Variants in EEFSEC observed in about 807,000 individuals in gnomAD.
The protein encoded by EEFSEC is eukaryotic elongation factor, selenocysteine-tRNA specific.
Under a neutral mutation model 42.1 loss-of-function variants are expected in EEFSEC, and 43 were observed. The ratio of observed to expected loss-of-function variants is 1.02; its 90% CI spans 0.80 to 1.32. The LOEUF is 1.32. Ranked by LOEUF, EEFSEC falls within the 40% of genes most tolerant of loss-of-function variation. The pLI, the probability that EEFSEC is intolerant of heterozygous loss-of-function variation, is 0.00. For synonymous variants in EEFSEC, 354 were observed against 339.1 expected, an observed-to-expected ratio of 1.04 and a Z score of -0.48; for missense variants, 745 against 803.6, an observed-to-expected ratio of 0.93 and a Z score of 0.88.
intron 1 of EEFSEC, among the ~76,000 whole-genome samples, chr3:128,246,285 A>G (rs1011453351): frequency 2.0e-5 from 3 of 152,184 alleles, no homozygotes; most frequent in African/African-American, 4.8e-5. Flanking sequence ...CGATTATGAC[A>G]CAGAACCTTA....
chr3:128,211,485 T>A (rs1176043364), intron 1 of EEFSEC, among the ~76,000 whole-genome samples: 1 of 152,068 alleles, frequency 6.6e-6, no homozygotes, highest in Non-Finnish European at 1.5e-5. Context: ...ATACAACATG[T>A]AAAAATTTAG....
chr3:128,325,411 G>A (rs2067053579), intron 4 of EEFSEC, among the ~76,000 whole-genome samples: 1 of 152,218 alleles, frequency 6.6e-6, no homozygotes, highest in Non-Finnish European at 1.5e-5. Flanking sequence ...GGGGCCTTGG[G>A]CAGGCTACTG....
intron 6 of EEFSEC, among the ~76,000 whole-genome samples, chr3:128,371,422 G>T (rs147534145): frequency 1.3e-5 from 2 of 152,172 alleles, no homozygotes; most frequent in East Asian, 3.8e-4. Context: ...TTCTTACTAG[G>T]TACAGCCTCA....
At chr3:128,176,341 G>A (rs1048086016) in intron 1 of EEFSEC, among the ~76,000 whole-genome samples, 5 of 152,018 alleles carry the variant, frequency 3.3e-5, no homozygotes, top group African/African-American at 1.2e-4. Flanking sequence ...GCTTAACTGC[G>A]TTGATCGGCT....
intron 1 of EEFSEC, among the ~76,000 whole-genome samples, chr3:128,203,435 G>A (rs1291218215): frequency 6.6e-6 from 1 of 152,212 alleles, no homozygotes; most frequent in Non-Finnish European, 1.5e-5. Flanking sequence ...GGAAGGGGAT[G>A]GACACAAGTC....
chr3:128,251,725 A>G (rs561461056), intron 2 of EEFSEC, among the ~76,000 whole-genome samples: 19 of 152,300 alleles, frequency 1.2e-4, no homozygotes, highest in South Asian at 8.3e-4. Flanking sequence ...TTTGCTACAA[A>G]TAAGTCTTTG....
At chr3:128,190,166 C>T (rs556349544) in intron 1 of EEFSEC, among the ~76,000 whole-genome samples, 1 of 152,324 alleles carries the variant, frequency 6.6e-6, no homozygotes, top group Non-Finnish European at 1.5e-5. Flanking sequence ...CCCAGCCGCT[C>T]CTTCTACTTC....
In EEFSEC at chr3:128,292,055, C is replaced by T. The variant is rs566830761; in HGVS notation, c.786+27274C>T. 9.7e-4 allele frequency among the ~76,000 whole-genome samples: 147 copies of T among 151,978 alleles called. 1 individual carries two copies. Among genetic ancestry groups the T allele is most frequent in the Non-Finnish European group, 1.7e-3 (113 of 67,954 alleles). On this transcript the variant is annotated intron_variant, in intron 4 of 6. Transcript: ENST00000254730. ...ATTAAATTATTATATAGTTTTTCTC[C>T]TTTATTCTGTTAATTAAGTTACACT...
intron 4 of EEFSEC, among the ~76,000 whole-genome samples, chr3:128,304,077 G>GTTT (rs554576554): frequency 1.4e-5 from 2 of 139,402 alleles, no homozygotes; most frequent in African/African-American, 2.6e-5. Flanking sequence ...TTCATAATAG[G>GTTT]TTTTTTTTTT....
chr3:128,206,685 T>G (rs1221953919), intron 1 of EEFSEC, among the ~76,000 whole-genome samples: 1 of 152,196 alleles, frequency 6.6e-6, no homozygotes, highest in East Asian at 1.9e-4. Flanking sequence ...ACCTTTATGA[T>G]TTGCTTATTA....
At chr3:128,385,261 A>G (rs949646690) in intron 6 of EEFSEC, among the ~76,000 whole-genome samples, 1 of 152,202 alleles carries the variant, frequency 6.6e-6, no homozygotes, top group Non-Finnish European at 1.5e-5. Flanking sequence ...AGAGCTGGCC[A>G]CAGGGGCCAG....
chr3:128,345,501 C>T (rs1169182576), intron 5 of EEFSEC, among the ~76,000 whole-genome samples: 1 of 152,198 alleles, frequency 6.6e-6, no homozygotes, highest in Admixed American at 6.5e-5. Context: ...CTAAAAATTC[C>T]TGGGCACATC....
chr3:128,289,032 T>C (rs1341541114), intron 4 of EEFSEC, among the ~76,000 whole-genome samples: 1 of 152,236 alleles, frequency 6.6e-6, no homozygotes, highest in Non-Finnish European at 1.5e-5. Context: ...AGTCTGGCAC[T>C]GCTAAGGAGC....
rs553575387 is a variant in EEFSEC at position 128,192,840 on chromosome 3, T to C, written c.316+39017T>C. ...AGACATTCTTGAAATTGGTGGGTAG[T>C]AGTAATAATGTGTAAAGCATCCTAA... On this transcript the variant is annotated intron_variant, in intron 1 of 6. Transcript: ENST00000254730. Among the ~76,000 whole-genome samples the C allele has an allele frequency of 2.0e-5, 3 of 152,280 alleles. No homozygotes were observed. The South Asian group carries it at 6.2e-4, about 32-fold the overall frequency.
At chr3:128,384,251 A>G (rs2107617209) in intron 6 of EEFSEC, among the ~76,000 whole-genome samples, 1 of 152,326 alleles carries the variant, frequency 6.6e-6, no homozygotes, top group East Asian at 1.9e-4. Context: ...TGCTGCCCAG[A>G]GTGGCTGGGC....
chr3:128,211,382 T>G lies in EEFSEC; in HGVS notation c.317-35454T>G, dbSNP rs187099690. Among the ~76,000 whole-genome samples, 8 of 152,244 alleles carry G rather than the reference T, an allele frequency of 5.3e-5. No homozygotes were observed. In the East Asian group the frequency reaches 1.5e-3, roughly 29 times the overall value. ...AATCCTCCCAACTCAGCCTCTTGAG[T>G]GGCTGGGACTACAGGTGTGAGCCAC... is the stretch of plus-strand genomic sequence containing the variant. On this transcript the variant is annotated intron_variant, in intron 1 of 6. Transcript: ENST00000254730.
intron 5 of EEFSEC, among the ~76,000 whole-genome samples, chr3:128,345,681 C>G (rs1471165215): frequency 6.6e-6 from 1 of 152,244 alleles, no homozygotes; most frequent in Non-Finnish European, 1.5e-5. Flanking sequence ...ATCTACTTTG[C>G]AAGCACAGTT....
intron 6 of EEFSEC, among the ~76,000 whole-genome samples, chr3:128,370,938 A>G (rs2067646329): frequency 6.6e-6 from 1 of 152,246 alleles, no homozygotes; most frequent in Admixed American, 6.5e-5. Flanking sequence ...AAGGGTGTTC[A>G]GGACAGAAGG....
chr3:128,307,161 C>T (rs757376860), intron 4 of EEFSEC, among the ~76,000 whole-genome samples: 12 of 152,372 alleles, frequency 7.9e-5, no homozygotes, highest in Non-Finnish European at 1.5e-4. Context: ...GCCTTGCCTG[C>T]CCCTGCCCTC....
Sources: allele counts gnomAD v4.1 joint callset (sites outside exome capture counted in the v4.1 genomes callset), GRCh38; gene constraint gnomAD v4.1.1; transcripts MANE v1.5; gene names NCBI Gene and HGNC (gene_info 2026-07-23, HGNC 2026-07-21).